The following PLAAT3 variants were observed in gnomAD, a reference collection of about 807,000 sequenced individuals.
The protein encoded by PLAAT3 is phospholipase A and acyltransferase 3.
A neutral mutation model predicts 16.7 loss-of-function variants in PLAAT3; 21 were observed. That is an observed-to-expected ratio of 1.26 (90% CI 0.89 to 1.81). The LOEUF is 1.81. Ranked by LOEUF, PLAAT3 falls within the 40% of genes most tolerant of loss-of-function variation. The probability of loss-of-function intolerance (pLI) is 0.00; values close to 1 mark genes in which losing one functional copy is unlikely to be tolerated. For missense variants in PLAAT3, 219 were observed against 213.7 expected, an observed-to-expected ratio of 1.02 and a Z score of -0.16; for synonymous variants, 76 against 81.7, an observed-to-expected ratio of 0.93 and a Z score of 0.38.
At chr11:63,614,984 T>C, upstream of PLAAT3, among the ~76,000 whole-genome samples, 1 of 143,274 alleles carries the variant, frequency 7.0e-6, no homozygotes, top group Non-Finnish European at 1.5e-5. Flanking sequence ...CACTGCACTC[T>C]AGCCTGTGCA....
rs867850911 is a variant in PLAAT3, at chr11:63,595,292, G to A, written c.118+2769C>T. ...GGCCACAGAGCAAGACTCCGTCTCGGAAAAAAAAAAAAAAAAAAAAGAGTG... is the reference window on the plus strand; with the variant it reads ...GGCCACAGAGCAAGACTCCGTCTCGAAAAAAAAAAAAAAAAAAAAAGAGTG... On this transcript the variant is annotated intron_variant, in intron 3 of 4. Coordinates refer to ENST00000415826, the MANE Select transcript of PLAAT3 (RefSeq NM_001128203.2). Among the ~76,000 whole-genome samples the A allele has an allele frequency of 6.5e-3, 571 of 88,278 alleles. 17 individuals are homozygous for A. Among genetic ancestry groups the A allele is most frequent in the African/African-American group, 8.2e-3 (161 of 19,568 alleles). The allele number at this position is 88,278 out of a possible 152,430, so 57.9% of individuals were successfully genotyped here.
intron 2 of PLAAT3, among the ~76,000 whole-genome samples, chr11:63,609,465 C>T (rs535107016): frequency 7.2e-5 from 11 of 152,350 alleles, no homozygotes; most frequent in Non-Finnish European, 1.3e-4. Flanking sequence ...CTGAACTTCT[C>T]TGGTAAACAG....
At chr11:63,603,335 T>C (rs1406134357) in intron 2 of PLAAT3, among the ~76,000 whole-genome samples, 2 of 151,928 alleles carry the variant, frequency 1.3e-5, no homozygotes, top group Non-Finnish European at 2.9e-5. Context: ...CCCACACAGC[T>C]CACGCAACAA....
At chr11:63,614,305 T>G in intron 1 of PLAAT3, 80 bp downstream of exon 1, 273 of 413,514 alleles carry the variant, frequency 6.6e-4, no homozygotes, top group East Asian at 8.0e-4. Flanking sequence ...ATTAGATCTC[T>G]TCCTCGCGGA....
chr11:63,595,937 C>T (rs1478901417), intron 3 of PLAAT3, among the ~76,000 whole-genome samples: 1 of 152,246 alleles, frequency 6.6e-6, no homozygotes, highest in East Asian at 1.9e-4. Flanking sequence ...AGGAGCTTTA[C>T]GCTTAAGAGT....
chr11:63,611,608 T>A (rs1205978151), intron 2 of PLAAT3, among the ~76,000 whole-genome samples: 1 of 152,218 alleles, frequency 6.6e-6, no homozygotes, highest in Non-Finnish European at 1.5e-5. Flanking sequence ...TAATTTGAAC[T>A]CCATTTATAC....
At chr11:63,584,289 C>CTTT (rs532324070) in intron 4 of PLAAT3, among the ~76,000 whole-genome samples, 1 of 123,476 alleles carries the variant, frequency 8.1e-6, no homozygotes, top group African/African-American at 3.0e-5. Context: ...CTTCTGGTTG[C>CTTT]TTTTTTTTTT....
intron 4 of PLAAT3, among the ~76,000 whole-genome samples, chr11:63,585,786 A>G (rs1937955991): frequency 6.6e-6 from 1 of 152,212 alleles, no homozygotes; most frequent in African/African-American, 2.4e-5. Flanking sequence ...AGTCCCAGGA[A>G]GAAAAGTGTG....
In PLAAT3 at chr11:63,578,772, G is replaced by C. The variant is rs557224404; in HGVS notation, c.388-3726C>G. Among the ~76,000 whole-genome samples the C allele has an allele frequency of 2.2e-4, 34 of 151,568 alleles. 1 individual carries two copies. The East Asian group carries it at 6.4e-3, about 28-fold the overall frequency. The stretch of plus-strand genomic sequence containing the variant: ...TAGACCTAAAACCATAAAAACCCTA[G>C]AAGAAAACCTAGGCAATACCATTCA... On this transcript the variant is annotated intron_variant, in intron 4 of 4. Transcript: ENST00000415826.
At chr11:63,576,929 AAAG>A (rs1308962641) in intron 4 of PLAAT3, among the ~76,000 whole-genome samples, 20 of 152,234 alleles carry the variant, frequency 1.3e-4, no homozygotes, top group Admixed American at 1.2e-3. Context: ...TCTTGGAAAA[AAAG>A]AAATGTTTAA....
At chr11:63,613,966 A>C in intron 2 of PLAAT3, 34 bp downstream of exon 2, 40 of 1,206,282 alleles carry the variant, frequency 3.3e-5, no homozygotes, top group Non-Finnish European at 4.6e-5. Context: ...GGGGGCTCCC[A>C]GCCCCGCCCA....
chr11:63,601,846 G>T (rs780295263), intron 2 of PLAAT3, among the ~76,000 whole-genome samples: 1 of 152,120 alleles, frequency 6.6e-6, no homozygotes, highest in Non-Finnish European at 1.5e-5. Context: ...ACGTGGTGGC[G>T]TACGCCAGTA....
rs773332764 is a variant in PLAAT3, at chr11:63,590,248, T to G, written c.239A>C (p.His80Pro). The G allele has an allele frequency of 1.9e-6, 3 of 1,614,240 alleles. No individual in the cohort carries two copies. The South Asian group carries it at 3.3e-5, about 18-fold the overall frequency. The part of the protein sequence containing the change: ...GSDKYQVNNK[H>P]DDKYSPLPCS... Reference sequence around the variant, plus strand: ...GGGCAGCGGCGAGTACTTGTCATCATGTTTGTTGTTGACCTGGTACTTGTC... The same window carrying G: ...GGGCAGCGGCGAGTACTTGTCATCAGGTTTGTTGTTGACCTGGTACTTGTC... Residue 80 changes from histidine (H) to proline (P), a missense_variant, in exon 4 of 5, where the codon CAT (histidine) becomes CCT (proline). Transcript: ENST00000415826.
intron 2 of PLAAT3, among the ~76,000 whole-genome samples, chr11:63,602,957 T>G (rs10897438): frequency 0.52 from 79,370 of 151,968 alleles, 21,296 homozygotes; most frequent in African/African-American, 0.64. Flanking sequence ...GCCACGCCTG[T>G]TGGCAGGCTC....
intron 2 of PLAAT3, among the ~76,000 whole-genome samples, chr11:63,612,175 T>G (rs1290330395): frequency 6.6e-6 from 1 of 152,048 alleles, no homozygotes; most frequent in Non-Finnish European, 1.5e-5. Context: ...TGGTGAAGAT[T>G]TTGTTGTTGT....
intron 3 of PLAAT3, among the ~76,000 whole-genome samples, chr11:63,596,766 T>C (rs1938299176): frequency 6.6e-6 from 1 of 152,068 alleles, no homozygotes; most frequent in South Asian, 2.1e-4. Flanking sequence ...GCTGTTCTCA[T>C]GATAATGAGT....
chr11:63,615,042 GTA>G (rs1303739286), upstream of PLAAT3, among the ~76,000 whole-genome samples: 195 of 10,622 alleles, frequency 0.018, 24 homozygotes, highest in African/African-American at 0.021. Flanking sequence ...GTATATATAT[GTA>G]TATATATGTG....
intron 3 of PLAAT3, among the ~76,000 whole-genome samples, chr11:63,590,649 G>GC (rs1330616059): frequency 3.3e-5 from 5 of 152,158 alleles, no homozygotes; most frequent in African/African-American, 1.2e-4. Flanking sequence ...CACTTAAGTG[G>GC]CCCCCTTGGT....
intron 2 of PLAAT3, among the ~76,000 whole-genome samples, chr11:63,601,973 T>C (rs1590696704): frequency 1.2e-5 from 1 of 85,104 alleles, no homozygotes. Context: ...AGAGCGAAAC[T>C]CTGTCTCAAA....
Sources: gnomAD v4.1 joint callset for allele counts (sites outside exome capture counted in the v4.1 genomes callset) on GRCh38, gnomAD v4.1.1 for gene constraint, MANE v1.5 for transcripts, NCBI Gene and HGNC (gene_info 2026-07-23, HGNC 2026-07-21) for gene names.